GEMIN5: variants seen among roughly 807,000 people sequenced by gnomAD.
GEMIN5 encodes gem nuclear organelle associated protein 5.
GEMIN5 carries 124 observed loss-of-function variants against 176.9 expected under a neutral mutation model. The ratio of observed to expected loss-of-function variants is 0.70; its 90% CI spans 0.61 to 0.81. The LOEUF (loss-of-function observed/expected upper bound fraction) is 0.81. GEMIN5 is among the 40% of genes least tolerant of loss of function. The probability of loss-of-function intolerance (pLI) is 0.00; values close to 1 mark genes in which losing one functional copy is unlikely to be tolerated. For missense variants in GEMIN5, 1,843 were observed against 1,814.6 expected (o/e 1.02, Z -0.28); for synonymous variants, 673 against 665.2 (o/e 1.01, Z -0.18).
intron 13 of GEMIN5, among the ~76,000 whole-genome samples, chr5:154,914,375 A>G (rs1374103266): frequency 6.6e-6 from 1 of 152,188 alleles, no homozygotes; most frequent in Non-Finnish European, 1.5e-5. Flanking sequence ...AGGAGACTAA[A>G]GAGACATGAC....
At chr5:154,909,250 G>GA (rs967885457) in intron 15 of GEMIN5, among the ~76,000 whole-genome samples, 27 of 149,666 alleles carry the variant, frequency 1.8e-4, no homozygotes, top group African/African-American at 6.1e-4. Context: ...TTACAGGCGT[G>GA]AGCTACTGTG....
At chr5:154,933,073 TA>T (rs1015106376) in intron 3 of GEMIN5, among the ~76,000 whole-genome samples, 3 of 152,110 alleles carry the variant, frequency 2.0e-5, no homozygotes, top group African/African-American at 7.2e-5. Flanking sequence ...TTCAGATACA[TA>T]AAAAAAGTAA....
In GEMIN5 at chr5:154,938,209, G is replaced by C. The variant is rs1344815428; in HGVS notation, c.-76C>G. On this transcript the variant is annotated 5_prime_UTR_variant, in exon 1 of 28. Coordinates refer to ENST00000285873, the MANE Select transcript of GEMIN5 (RefSeq NM_015465.5). The stretch of plus-strand genomic sequence containing the variant: ...GCCTCACGCCTTAGGTAGGGAGCGG[G>C]GCGGGGTGAACTCCGAGCCCCGCCT... 5.8e-6 allele frequency: 7 copies of C among 1,204,104 alleles called. No individual in the cohort carries two copies. The African/African-American group carries it at 9.5e-5, about 16-fold the overall frequency. 74.6% of individuals were successfully genotyped at this position (1,204,104 alleles called of 1,614,324 possible).
At chr5:154,928,682 G>T (rs924307151) in intron 5 of GEMIN5, 23 bp from the exon 6 acceptor site, 1 of 1,612,772 alleles carries the variant, frequency 6.2e-7, no homozygotes, top group African/African-American at 1.3e-5. Context: ...AAGAAGGCCA[G>T]TGGGCACTCA....
At position 154,891,364 on chromosome 5, in the gene GEMIN5, G is replaced by A. The variant is rs1301038432; in HGVS notation, c.4139C>T (p.Thr1380Ile). The change falls in exon 26 of 28, where the codon ACC (threonine) becomes ATC (isoleucine). Residue 1380 changes from threonine to isoleucine, a missense_variant. Coordinates refer to ENST00000285873, the MANE Select transcript of GEMIN5 (RefSeq NM_015465.5). ...GTGTTGTCGGATCATTTCTGCCAAGGTCTCTTGGACTTCAGCAACAGTTCT... is the reference window on the plus strand; with the variant it reads ...GTGTTGTCGGATCATTTCTGCCAAGATCTCTTGGACTTCAGCAACAGTTCT... ...SQRTVAEVQE[T>I]LAEMIRQHQK... The A allele has an allele frequency of 1.9e-6, 3 of 1,614,104 alleles. No individual in the cohort carries two copies. The highest frequency in any genetic ancestry group is 1.7e-5 in the Admixed American group (1 of 60,016).
chr5:154,913,320 T>G (rs892928475), intron 13 of GEMIN5, among the ~76,000 whole-genome samples: 1 of 152,134 alleles, frequency 6.6e-6, no homozygotes, highest in African/African-American at 2.4e-5. Context: ...CAGGCAACAT[T>G]GTTAGTTATT....
Position 154,932,122 on chromosome 5 carries a change from G to C in GEMIN5, c.638C>G (p.Ser213Cys), listed in dbSNP as rs756918463. Residue 213 changes from serine (S) to cysteine (C), a missense_variant, in exon 4 of 28, where the codon TCT becomes TGT. Coordinates refer to ENST00000285873, the MANE Select transcript of GEMIN5 (RefSeq NM_015465.5). ...WCPLPGEDCLSINQEETSEEA... is the reference protein window; with the variant it reads ...WCPLPGEDCLCINQEETSEEA... ...ACCTGAAGTTTCCTCTTGGTTTATA[G>C]ATAAACAATCTTCACCAGGCAGGGG... The C allele has an allele frequency of 8.1e-6, 13 of 1,613,436 alleles. No individual in the cohort carries two copies. Among genetic ancestry groups the C allele is most frequent in the Admixed American group, 1.7e-5 (1 of 59,914 alleles).
intron 3 of GEMIN5, among the ~76,000 whole-genome samples, chr5:154,933,065 C>T (rs1001584028): frequency 6.6e-6 from 1 of 152,156 alleles, no homozygotes; most frequent in African/African-American, 2.4e-5. Flanking sequence ...TGAATGACTT[C>T]AGATACATAA....
chr5:154,924,443 T>C (rs760924015), intron 9 of GEMIN5, 26 bp downstream of exon 9: 1 of 1,475,590 alleles, frequency 6.8e-7, no homozygotes, highest in Non-Finnish European at 9.5e-7. Flanking sequence ...CGGGCCACAA[T>C]GGAAGAAGAA....
rs748043743 is a variant in GEMIN5, at chr5:154,888,369, G to A, written c.4368C>T (p.Pro1456=). 4.3e-6 allele frequency: 7 copies of A among 1,612,498 alleles called. No individual in the cohort carries two copies. The African/African-American group carries it at 6.7e-5, about 15-fold the overall frequency. The change falls in exon 28 of 28, where the codon CCC becomes CCT. Residue 1456 remains proline, a synonymous_variant. Coordinates refer to ENST00000285873, the MANE Select transcript of GEMIN5 (RefSeq NM_015465.5). The stretch of plus-strand genomic sequence containing the variant: ...GGCAGCACTCCAGCACATCTGGGAA[G>A]GGCCAGGCCTGAAAGACGATGACAT... ...AKFPESIKAW[P]FPDVLECCLV...
chr5:154,937,815 G>A (rs564316110), intron 1 of GEMIN5, among the ~76,000 whole-genome samples, 153 bp downstream of exon 1: 4 of 152,234 alleles, frequency 2.6e-5, no homozygotes, highest in Non-Finnish European at 5.9e-5. Flanking sequence ...TAGGAGACCA[G>A]AAGCAACTCA....
At chr5:154,924,723 CTCACGCCTGTAA>C (rs1030170763) in intron 8 of GEMIN5, among the ~76,000 whole-genome samples, 169 bp from the exon 9 acceptor site, 41 of 152,332 alleles carry the variant, frequency 2.7e-4, no homozygotes, top group African/African-American at 9.6e-4. Context: ...GGCGCAGTGG[CTCACGCCTGTAA>C]TCCCAGCACT....
At chr5:154,898,675 G>C in intron 22 of GEMIN5, 25 bp from the exon 23 acceptor site, 235 of 1,464,928 alleles carry the variant, frequency 1.6e-4, no homozygotes, top group Non-Finnish European at 2.1e-4. Flanking sequence ...AAAATGTGAA[G>C]AAAATGTCAC....
intron 15 of GEMIN5, 151 bp downstream of exon 15, chr5:154,911,576 A>C: frequency 1.6e-6 from 1 of 612,356 alleles, no homozygotes; most frequent in South Asian, 2.2e-5. Flanking sequence ...TGTTGTTCTC[A>C]AGCCCTTGTG....
intron 24 of GEMIN5, among the ~76,000 whole-genome samples, chr5:154,892,940 C>T (rs774092471): frequency 5.3e-5 from 8 of 151,876 alleles, no homozygotes; most frequent in South Asian, 2.1e-4. Context: ...CTACTAAAAA[C>T]ACAAAAATTA....
intron 25 of GEMIN5, 75 bp downstream of exon 25, chr5:154,892,312 T>G: frequency 8.4e-7 from 1 of 1,186,568 alleles, no homozygotes; most frequent in South Asian, 1.4e-5. Flanking sequence ...ATCTAGGTAC[T>G]CCCAGTGCCA....
chr5:154,895,664 G>T (rs921757490), intron 24 of GEMIN5, among the ~76,000 whole-genome samples: 28 of 64,060 alleles, frequency 4.4e-4, no homozygotes, highest in African/African-American at 1.1e-3. Flanking sequence ...GTTAATTCTG[G>T]TTGATGGGTT....
chr5:154,938,138 A>G lies in GEMIN5; in HGVS notation c.-5T>C, dbSNP rs938193131. The stretch of plus-strand genomic sequence containing the variant: ...CGTCCGCGGCTCCTGCCCCATAACT[A>G]CAAGCCGTCAGAGACAAGAGAAGCT... On this transcript the variant is annotated 5_prime_UTR_variant, in exon 1 of 28. Coordinates refer to ENST00000285873, the MANE Select transcript of GEMIN5 (RefSeq NM_015465.5). 2.2e-6 allele frequency: 3 copies of G among 1,375,098 alleles called. No individual in the cohort carries two copies. The highest frequency in any genetic ancestry group is 1.5e-5 in the African/African-American group (1 of 66,646). 85.2% of individuals were successfully genotyped at this position (1,375,098 alleles called of 1,614,324 possible).
At chr5:154,919,923 T>C in intron 11 of GEMIN5, 44 bp downstream of exon 11, 1 of 1,567,968 alleles carries the variant, frequency 6.4e-7, no homozygotes. Flanking sequence ...CACAGAGGGA[T>C]CTGTGATGTA....
Sources: allele counts gnomAD v4.1 joint callset (sites outside exome capture counted in the v4.1 genomes callset), GRCh38; gene constraint gnomAD v4.1.1; transcripts MANE v1.5; gene names NCBI Gene and HGNC (gene_info 2026-07-23, HGNC 2026-07-21).